MOV10L1: variants seen among roughly 807,000 people sequenced by gnomAD.
MOV10L1 encodes the protein Mov10 like RNA helicase 1, also known as RNA helicase Mov10l1.
In MOV10L1, 110 loss-of-function variants were observed where a neutral mutation model predicts 143.8. The ratio of observed to expected loss-of-function variants is 0.76; its 90% CI spans 0.66 to 0.90. MOV10L1 has a LOEUF of 0.90. MOV10L1 is among the 40% of genes least tolerant of loss of function. The probability of loss-of-function intolerance (pLI) is 0.00; values close to 1 mark genes in which losing one functional copy is unlikely to be tolerated. For missense variants in MOV10L1, 1,406 were observed against 1,526.8 expected (o/e 0.92, Z 1.32); for synonymous variants, 593 against 581.1 (o/e 1.02, Z -0.29).
Position 50,159,605 on chromosome 22 carries a change from A to G in MOV10L1, c.3217-73A>G. The G allele has an allele frequency of 8.9e-7, 1 of 1,122,694 alleles. No individual in the cohort carries two copies. The highest frequency in any genetic ancestry group is 1.3e-6 in the Non-Finnish European group (1 of 776,498). The allele number at this position is 1,122,694 out of a possible 1,614,324, so 69.5% of individuals were successfully genotyped here. A position where few individuals can be genotyped will look rare whatever the true frequency, so the allele number is the denominator to read the frequency against. ...TGACAGAGTAATACTCCATCTCAAA[A>G]AAAAAAAAGGAAAAGAAAAGAAATG... On this transcript the variant is annotated intron_variant, in intron 23 of 26. Transcript: ENST00000262794. The surrounding 1 kb of genome is among the most constrained non-coding windows in gnomAD (Gnocchi z 4.1).
Position 50,144,217 on chromosome 22 carries a change from G to C in MOV10L1, c.2479G>C (p.Val827Leu). The change falls in exon 18 of 27, where the codon GTG becomes CTG. Residue 827 changes from valine (V) to leucine (L), a missense_variant. This residue lies in a region of MOV10L1 where 1,233 missense variants were observed against 1,351.4 expected (regional missense o/e 0.91). Coordinates refer to ENST00000262794, the MANE Select transcript of MOV10L1 (RefSeq NM_018995.3). ...KVLQPATMVRVNATCRFEEIV... is the reference protein window; with the variant it reads ...KVLQPATMVRLNATCRFEEIV... Reference sequence around the variant, plus strand: ...GCTACAGCCGGCCACCATGGTCCGGGTGAACGCCACCTGCAGGTTCGAGGA... The same window carrying C: ...GCTACAGCCGGCCACCATGGTCCGGCTGAACGCCACCTGCAGGTTCGAGGA... The C allele has an allele frequency of 1.2e-6, 2 of 1,608,754 alleles. No homozygotes were observed. Among genetic ancestry groups the C allele is most frequent in the Middle Eastern group, 1.7e-4 (1 of 6,042 alleles).
rs143457619 is a variant in MOV10L1 at position 50,145,711 on chromosome 22, C to T, written c.2528C>T (p.Pro843Leu). ...FEEIVIDAVK[P>L]YCRDGEDIWK... ...CAGATAGTTATTGACGCCGTCAAAC[C>T]GTATTGCAGAGACGGAGAAGACATC... The change falls in exon 19 of 27, where the codon CCG (proline) becomes CTG (leucine). Residue 843 changes from proline (P) to leucine (L), a missense_variant. By Grantham distance (98) the Pro-to-Leu change is moderately conservative. Coordinates refer to ENST00000262794, the MANE Select transcript of MOV10L1 (RefSeq NM_018995.3). The T allele has an allele frequency of 1.9e-4, 303 of 1,613,970 alleles. No individual in the cohort carries two copies. The highest frequency in any genetic ancestry group is 2.4e-4 in the Non-Finnish European group (282 of 1,180,018).
chr22:50,107,154 A>G lies in MOV10L1; in HGVS notation c.443-982A>G, dbSNP rs764030765. 8.5e-4 allele frequency among the ~76,000 whole-genome samples: 128 copies of G among 150,478 alleles called. 2 individuals are homozygous for G. Among genetic ancestry groups the G allele is most frequent in the Admixed American group, 2.5e-3 (37 of 15,092 alleles). ...CAGTGGCGTGATCTCAGCTCACTGC[A>G]AACTCCACCTCCCGGGTTCACGCCA... is the stretch of plus-strand genomic sequence containing the variant. On this transcript the variant is annotated intron_variant, in intron 3 of 26. Coordinates refer to ENST00000262794, the MANE Select transcript of MOV10L1 (RefSeq NM_018995.3).
In MOV10L1 at chr22:50,117,319, A is replaced by G; in HGVS notation, c.1422A>G (p.Ala474=). 1.9e-6 allele frequency: 3 copies of G among 1,613,974 alleles called. No homozygotes were observed. The highest frequency in any genetic ancestry group is 1.3e-5 in the African/African-American group (1 of 75,052). ...KLKSSQALTS[A]KTTVVVTAQK... Reference sequence around the variant, plus strand: ...AAAGTTCACAAGCGTTAACATCCGCAAAAACTACAGTTGTTGTGACCGCAC... The same window carrying G: ...AAAGTTCACAAGCGTTAACATCCGCGAAAACTACAGTTGTTGTGACCGCAC... Residue 474 remains alanine (A), a synonymous_variant, in exon 9 of 27, where the codon GCA becomes GCG. Coordinates refer to ENST00000262794, the MANE Select transcript of MOV10L1 (RefSeq NM_018995.3).
intron 13 of MOV10L1, among the ~76,000 whole-genome samples, chr22:50,131,830 G>T (rs933134502): frequency 3.3e-5 from 5 of 152,088 alleles, no homozygotes; most frequent in Admixed American, 6.5e-5. Context: ...AACATTACAG[G>T]GTCTTATTGT....
At position 50,125,881 on chromosome 22, in the gene MOV10L1, G is replaced by A. The variant is rs570146425; in HGVS notation, c.1747+312G>A. Among the ~76,000 whole-genome samples, 10 of 152,002 alleles carry A rather than the reference G, an allele frequency of 6.6e-5. No homozygotes were observed. In the South Asian group the frequency reaches 1.2e-3, roughly 19 times the overall value. On this transcript the variant is annotated intron_variant, in intron 11 of 26. Coordinates refer to ENST00000262794, the MANE Select transcript of MOV10L1 (RefSeq NM_018995.3). ...CAGCTCATTGCAACCTCTGCCTCCC[G>A]GGTTCACGCCGTTCTCCTGCCTTAG... is the stretch of plus-strand genomic sequence containing the variant.
chr22:50,123,027 C>T (rs138235), intron 10 of MOV10L1, among the ~76,000 whole-genome samples: 36,840 of 151,492 alleles, frequency 0.24, 5,249 homozygotes, highest in Non-Finnish European at 0.33. Context: ...GTTTGTTAAA[C>T]GTTATCATGA....
rs1212748243 is a variant in MOV10L1, at chr22:50,124,902, T to C, written c.1570-490T>C. 2.6e-5 allele frequency among the ~76,000 whole-genome samples: 4 copies of C among 152,376 alleles called. No homozygotes were observed. The East Asian group carries it at 7.7e-4, about 29-fold the overall frequency. ...CCCCCATGGATTGTTTCCCCAGTCT[T>C]GGGATCACAATCCTTTGCTACGTGA... On this transcript the variant is annotated intron_variant, in intron 10 of 26. Coordinates refer to ENST00000262794, the MANE Select transcript of MOV10L1 (RefSeq NM_018995.3).
intron 15 of MOV10L1, among the ~76,000 whole-genome samples, chr22:50,136,325 A>G (rs899339297): frequency 6.6e-6 from 1 of 152,142 alleles, no homozygotes; most frequent in Non-Finnish European, 1.5e-5. Context: ...CACATTCCTA[A>G]TTGACTGTAG....
intron 10 of MOV10L1, among the ~76,000 whole-genome samples, chr22:50,124,516 C>T (rs138237): frequency 0.26 from 39,827 of 151,976 alleles, 5,706 homozygotes; most frequent in Non-Finnish European, 0.33. Context: ...CTTGAATATG[C>T]GGCCTTGAGT....
intron 5 of MOV10L1, among the ~76,000 whole-genome samples, chr22:50,112,094 C>T (rs1457471582): frequency 1.3e-5 from 2 of 152,326 alleles, no homozygotes; most frequent in East Asian, 3.9e-4. Context: ...CTGGTGGGCT[C>T]AGCCTCCTAG....
intron 13 of MOV10L1, among the ~76,000 whole-genome samples, chr22:50,130,739 C>T (rs1474447537): frequency 6.6e-6 from 1 of 152,162 alleles, no homozygotes; most frequent in East Asian, 1.9e-4. Flanking sequence ...GGCACACAGC[C>T]TCCATCATGG....
At chr22:50,126,488 G>A (rs766296458) in intron 12 of MOV10L1, among the ~76,000 whole-genome samples, 7 of 152,190 alleles carry the variant, frequency 4.6e-5, no homozygotes, top group Non-Finnish European at 7.3e-5. Context: ...TATCTTTTAG[G>A]TTATATGTAA....
At position 50,132,421 on chromosome 22, in the gene MOV10L1, A is replaced by G. The variant is rs528881460; in HGVS notation, c.1911-1586A>G. On this transcript the variant is annotated intron_variant, in intron 13 of 26. Coordinates refer to ENST00000262794, the MANE Select transcript of MOV10L1 (RefSeq NM_018995.3). ...TTGGAGAATTGAAATCTTAATAATA[A>G]TAAGTCCTCCAGCCCTTGAAAAGGG... is the stretch of plus-strand genomic sequence containing the variant. Among the ~76,000 whole-genome samples the G allele has an allele frequency of 2.6e-5, 4 of 152,242 alleles. No homozygotes were observed. The South Asian group carries it at 8.3e-4, about 32-fold the overall frequency.
At chr22:50,113,594 G>A (rs750727504) in intron 5 of MOV10L1, 54 bp from the exon 6 acceptor site, 16 of 1,589,946 alleles carry the variant, frequency 1.0e-5, no homozygotes, top group Admixed American at 8.8e-5. Context: ...GGAGGCAGGC[G>A]AGGAAGGGGT....
intron 2 of MOV10L1, chr22:50,094,121 G>A (rs1265476606): frequency 1.3e-5 from 2 of 152,124 alleles, no homozygotes; most frequent in African/African-American, 2.4e-5. Context: ...TTGGAATCTT[G>A]TTTCTCCCCC....
At chr22:50,142,244 A>G in intron 16 of MOV10L1, 55 bp downstream of exon 16, 2 of 1,462,660 alleles carry the variant, frequency 1.4e-6, no homozygotes, top group Non-Finnish European at 1.9e-6. Flanking sequence ...TCGCCTGGAA[A>G]ACGGGGACTT....
chr22:50,096,125 C>T (rs886489153), intron 2 of MOV10L1: 9 of 152,178 alleles, frequency 5.9e-5, no homozygotes, highest in African/African-American at 1.9e-4. Flanking sequence ...CACATTGTTG[C>T]GCAGCCATCA....
Position 50,100,892 on chromosome 22 carries a change from A to G in MOV10L1, c.442+1290A>G, listed in dbSNP as rs534601577. Among the ~76,000 whole-genome samples the G allele has an allele frequency of 2.0e-5, 3 of 152,332 alleles. No homozygotes were observed. The South Asian group carries it at 6.2e-4, about 32-fold the overall frequency. ...AAGAAAGAATATGTCGATGTCATTG[A>G]CTGAGCTGAACTCAGCAGCGGTTTA... is the stretch of plus-strand genomic sequence containing the variant. On this transcript the variant is annotated intron_variant, in intron 3 of 26. Coordinates refer to ENST00000262794, the MANE Select transcript of MOV10L1 (RefSeq NM_018995.3).
Sources: gnomAD v4.1 joint callset for allele counts (sites outside exome capture counted in the v4.1 genomes callset) on GRCh38, gnomAD v4.1.1 for gene constraint, gnomAD v4.1.1 regional missense constraint, Gnocchi (gnomAD v3.1) non-coding constraint, MANE v1.5 for transcripts, NCBI Gene and HGNC (gene_info 2026-07-23, HGNC 2026-07-21) for gene names.